The following CPNE5 variants were observed in gnomAD, a reference collection of about 807,000 sequenced individuals.
CPNE5 encodes the protein copine-5.
Under a neutral mutation model 81.1 loss-of-function variants are expected in CPNE5, and 42 were observed. That is an observed-to-expected ratio of 0.52 (90% CI 0.40 to 0.67). The LOEUF is 0.67. Among genes scored for constraint, CPNE5 ranks in the 30% least tolerant of loss-of-function variants. CPNE5 has a pLI of 0.00. For synonymous variants in CPNE5, 313 were observed against 321.5 expected (o/e 0.97, Z 0.28); for missense variants, 612 against 815.5 (o/e 0.75, Z 3.04).
chr6:36,772,680 A>G (rs1582825955), intron 10 of CPNE5, among the ~76,000 whole-genome samples: 1 of 152,144 alleles, frequency 6.6e-6, no homozygotes, highest in Non-Finnish European at 1.5e-5. Context: ...AAGAGGCAGG[A>G]AAAAGAACAA....
At chr6:36,769,123 C>T (rs1468068631) in intron 10 of CPNE5, among the ~76,000 whole-genome samples, 1 of 152,194 alleles carries the variant, frequency 6.6e-6, no homozygotes, top group African/African-American at 2.4e-5. Flanking sequence ...TGTTTGTTTC[C>T]TGCTGTATCT....
chr6:36,830,348 G>A (rs940523452), intron 1 of CPNE5, among the ~76,000 whole-genome samples: 2 of 152,156 alleles, frequency 1.3e-5, no homozygotes, highest in Admixed American at 1.3e-4. Flanking sequence ...GAGGAGAATG[G>A]GAGGGTTTCC....
intron 1 of CPNE5, among the ~76,000 whole-genome samples, chr6:36,833,109 CA>C (rs1417217812): frequency 6.6e-6 from 1 of 152,186 alleles, no homozygotes; most frequent in African/African-American, 2.4e-5. Context: ...CCTCCACCAC[CA>C]TCCTCCTGGA....
intron 3 of CPNE5, among the ~76,000 whole-genome samples, chr6:36,814,894 CG>C (rs1231911675): frequency 6.6e-6 from 1 of 152,088 alleles, no homozygotes; most frequent in Non-Finnish European, 1.5e-5. Flanking sequence ...TGGCCAGGTG[CG>C]GTGGCTCACG....
intron 9 of CPNE5, 81 bp from the exon 10 acceptor site, chr6:36,775,146 G>C: frequency 1.0e-6 from 1 of 1,004,046 alleles, no homozygotes; most frequent in Non-Finnish European, 1.6e-6. Flanking sequence ...GAGTCAGCTG[G>C]TTCACATCTC....
At chr6:36,753,225 C>T (rs1765039342) in intron 13 of CPNE5, 130 bp from the exon 14 acceptor site, 7 of 661,584 alleles carry the variant, frequency 1.1e-5, no homozygotes, top group Non-Finnish European at 1.9e-5. Context: ...ATGCACTGCC[C>T]ACACCACCCC....
At chr6:36,815,942 C>T (rs1422149560) in intron 3 of CPNE5, among the ~76,000 whole-genome samples, 1 of 152,146 alleles carries the variant, frequency 6.6e-6, no homozygotes, top group Non-Finnish European at 1.5e-5. Flanking sequence ...AAGACAGCTG[C>T]CTGGTGAGGG....
intron 18 of CPNE5, 26 bp downstream of exon 18, chr6:36,745,022 T>TC: frequency 1.3e-6 from 2 of 1,543,590 alleles, no homozygotes; most frequent in Non-Finnish European, 1.8e-6. Context: ...TCAAACCGCC[T>TC]CCCCCACCGC....
chr6:36,831,439 C>T (rs535108026), intron 1 of CPNE5, among the ~76,000 whole-genome samples: 7 of 151,926 alleles, frequency 4.6e-5, no homozygotes, highest in Admixed American at 1.3e-4. Flanking sequence ...CTGCAACCTC[C>T]GCCTCCCAGG....
At chr6:36,821,232 G>A (rs1772021089) in intron 3 of CPNE5, among the ~76,000 whole-genome samples, 1 of 151,936 alleles carries the variant, frequency 6.6e-6, no homozygotes, top group African/African-American at 2.4e-5. Flanking sequence ...GGAGGCGGGG[G>A]CGGGCCGTGT....
chr6:36,742,351 G>T lies in CPNE5; in HGVS notation c.1699C>A (p.Pro567Thr). The T allele has an allele frequency of 6.2e-7, 1 of 1,613,168 alleles. No homozygotes were observed. The highest frequency in any genetic ancestry group is 1.1e-5 in the South Asian group (1 of 91,084). The change falls in exon 21 of 21, where the codon CCC becomes ACC. Residue 567 changes from proline (P) to threonine (T), a missense_variant. Pro to Thr is a conservative substitution (Grantham distance 38). Transcript: ENST00000244751. The part of the protein sequence containing the change: ...YMKAQGIRPR[P>T]PPAAPTHSPS... The stretch of plus-strand genomic sequence containing the variant: ...GAGTGGGTTGGTGCTGCGGGTGGGG[G>T]ACGCGGGCGAATGCCCTGTGCCTTC...
rs777526495 is a variant in CPNE5 at position 36,756,317 on chromosome 6, A to G, written c.856-19T>C. 5.0e-6 allele frequency: 8 copies of G among 1,612,358 alleles called. No individual in the cohort carries two copies. The highest frequency in any genetic ancestry group is 6.8e-6 in the Non-Finnish European group (8 of 1,178,774). ...TTACCACCTGCAGGAAAAACCAGTT[A>G]CCAGGTAAGGCATGCTTCCAGGCAG... is the stretch of plus-strand genomic sequence containing the variant. On this transcript the variant is annotated intron_variant, in intron 12 of 20. Coordinates refer to ENST00000244751, the MANE Select transcript of CPNE5 (RefSeq NM_020939.2).
intron 15 of CPNE5, among the ~76,000 whole-genome samples, chr6:36,747,661 G>C (rs1764327172): frequency 6.6e-6 from 1 of 152,106 alleles, no homozygotes; most frequent in Non-Finnish European, 1.5e-5. Context: ...CCCTAATAGA[G>C]CCCAGAGCCC....
At chr6:36,816,882 G>A (rs569880117) in intron 3 of CPNE5, among the ~76,000 whole-genome samples, 1 of 152,266 alleles carries the variant, frequency 6.6e-6, no homozygotes, top group South Asian at 2.1e-4. Flanking sequence ...GGGTTCAAGC[G>A]ATTCTCCTGC....
chr6:36,753,399 G>A (rs1196682133), intron 13 of CPNE5, among the ~76,000 whole-genome samples: 1 of 152,212 alleles, frequency 6.6e-6, no homozygotes, highest in Middle Eastern at 3.2e-3. Context: ...GGTCCCATCT[G>A]TGTCAGTGGA....
chr6:36,758,866 A>T (rs1765746714), intron 12 of CPNE5, among the ~76,000 whole-genome samples: 1 of 152,164 alleles, frequency 6.6e-6, no homozygotes, highest in Non-Finnish European at 1.5e-5. Context: ...CCCGGGAGAG[A>T]AGACCAGAGC....
intron 7 of CPNE5, 48 bp from the exon 8 acceptor site, chr6:36,792,144 C>A: frequency 1.9e-6 from 3 of 1,568,522 alleles, no homozygotes; most frequent in Non-Finnish European, 2.6e-6. Context: ...AAAGACAGAG[C>A]CATAAACCTG....
At chr6:36,799,405 C>A (rs1242965831) in intron 4 of CPNE5, among the ~76,000 whole-genome samples, 1 of 152,098 alleles carries the variant, frequency 6.6e-6, no homozygotes, top group Non-Finnish European at 1.5e-5. Flanking sequence ...CTTTTCAAAC[C>A]ATCCCATACC....
At chr6:36,749,132 C>T (rs1164664421) in intron 14 of CPNE5, among the ~76,000 whole-genome samples, 3 of 151,784 alleles carry the variant, frequency 2.0e-5, no homozygotes, top group Non-Finnish European at 4.4e-5. Context: ...GATGGGGTCT[C>T]ATTATATTGG....
Sources: allele counts gnomAD v4.1 joint callset (sites outside exome capture counted in the v4.1 genomes callset), GRCh38; gene constraint gnomAD v4.1.1; transcripts MANE v1.5; gene names NCBI Gene and HGNC (gene_info 2026-07-23, HGNC 2026-07-21).